Variants in CPNE4 observed in about 807,000 individuals in gnomAD.
CPNE4 encodes copine 4.
Under a neutral mutation model 67.9 loss-of-function variants are expected in CPNE4, and 25 were observed. That is an observed-to-expected ratio of 0.37 (90% CI 0.27 to 0.51). The LOEUF (loss-of-function observed/expected upper bound fraction) is 0.51, where lower values mean the gene tolerates loss of function less well. Ranked by LOEUF, CPNE4 falls within the 20% of genes least tolerant of loss-of-function variation. CPNE4 has a pLI of 0.93. For missense variants in CPNE4, 464 were observed against 690.8 expected (o/e 0.67, Z 3.68); for synonymous variants, 242 against 244.9 (o/e 0.99, Z 0.11).
chr3:132,009,523 A>G (rs7628438), intron 1 of CPNE4, among the ~76,000 whole-genome samples: 141,417 of 152,284 alleles, frequency 0.93, 65,951 homozygotes, highest in African/African-American at 0.98. Flanking sequence ...TTCCCCAGGA[A>G]GCTCCAGGTT....
intron 2 of CPNE4, among the ~76,000 whole-genome samples, chr3:131,794,294 G>A (rs564116486): frequency 6.6e-6 from 1 of 150,682 alleles, no homozygotes; most frequent in Non-Finnish European, 1.5e-5. Flanking sequence ...CTGGAGTGCA[G>A]TGGCATCATC....
chr3:131,992,741 C>T (rs527425420), intron 1 of CPNE4, among the ~76,000 whole-genome samples: 1 of 136,022 alleles, frequency 7.4e-6, no homozygotes, highest in South Asian at 2.6e-4. Flanking sequence ...CCCATAATCC[C>T]CATGTGTTGT....
intron 7 of CPNE4, among the ~76,000 whole-genome samples, chr3:131,626,648 T>C (rs1238397236): frequency 6.6e-6 from 1 of 152,200 alleles, no homozygotes; most frequent in Non-Finnish European, 1.5e-5. Context: ...CAAGTGCTGA[T>C]GGAGAAGCTA....
At chr3:132,022,243 T>A (rs1197423070) in intron 1 of CPNE4, among the ~76,000 whole-genome samples, 2 of 152,170 alleles carry the variant, frequency 1.3e-5, no homozygotes, top group African/African-American at 2.4e-5. Context: ...TTGTGCCTGC[T>A]TTAGAGAAAA....
chr3:131,815,939 T>C (rs576530094), intron 2 of CPNE4, among the ~76,000 whole-genome samples: 7 of 152,206 alleles, frequency 4.6e-5, no homozygotes, highest in African/African-American at 1.7e-4. Context: ...CCTCCTTATA[T>C]ACTCAGGAGT....
Position 131,954,410 on chromosome 3 carries a change from A to G in CPNE4, c.-1-48966T>C, listed in dbSNP as rs868841766. Among the ~76,000 whole-genome samples, 5 of 152,222 alleles carry G rather than the reference A, an allele frequency of 3.3e-5. No individual in the cohort carries two copies. The South Asian group carries it at 1.0e-3, about 32-fold the overall frequency. ...CAAAGTAAGGGTATTGCAAAAACTA[A>G]TAAATATAAATTTATCTTAAATTCA... On this transcript the variant is annotated intron_variant, in intron 1 of 15. Coordinates refer to ENST00000429747, the MANE Select transcript of CPNE4 (RefSeq NM_130808.3).
intron 2 of CPNE4, among the ~76,000 whole-genome samples, chr3:131,873,888 A>T (rs150743426): frequency 2.0e-5 from 3 of 152,236 alleles, no homozygotes; most frequent in Admixed American, 2.0e-4. Context: ...CATTCCTGAG[A>T]GAACAGCTGT....
At chr3:131,610,467 A>G (rs73871304) in intron 7 of CPNE4, among the ~76,000 whole-genome samples, 23,827 of 152,072 alleles carry the variant, frequency 0.16, 2,350 homozygotes, top group African/African-American at 0.28. Flanking sequence ...CTGTCCTGAG[A>G]CTGCTAGATT....
chr3:131,566,056 T>G (rs1050562520), intron 10 of CPNE4, among the ~76,000 whole-genome samples: 1 of 151,928 alleles, frequency 6.6e-6, no homozygotes, highest in African/African-American at 2.4e-5. Flanking sequence ...CAAGTCTATA[T>G]GGTTCCTTTC....
At chr3:131,560,771 G>A (rs2107659132) in intron 11 of CPNE4, among the ~76,000 whole-genome samples, 1 of 152,116 alleles carries the variant, frequency 6.6e-6, no homozygotes, top group African/African-American at 2.4e-5. Context: ...TTAACACTGG[G>A]TCTCAACCCT....
chr3:131,598,242 T>C (rs1502669), intron 7 of CPNE4, among the ~76,000 whole-genome samples: 46,185 of 151,976 alleles, frequency 0.3, 11,073 homozygotes, highest in African/African-American at 0.67. Flanking sequence ...TCCTCCATAC[T>C]TCAGTTTCCT....
chr3:132,018,281 C>T (rs2073927690), intron 1 of CPNE4, among the ~76,000 whole-genome samples: 1 of 152,132 alleles, frequency 6.6e-6, no homozygotes, highest in South Asian at 2.1e-4. Context: ...ATCAGATGCA[C>T]ACAATTATGT....
At chr3:131,883,406 C>T (rs1271796774) in intron 2 of CPNE4, among the ~76,000 whole-genome samples, 1 of 152,132 alleles carries the variant, frequency 6.6e-6, no homozygotes, top group Non-Finnish European at 1.5e-5. Flanking sequence ...CATTTTCAAC[C>T]ACTGTTATCT....
chr3:131,767,799 TTTA>T (rs1553767737), intron 2 of CPNE4, among the ~76,000 whole-genome samples: 1 of 151,886 alleles, frequency 6.6e-6, no homozygotes, highest in African/African-American at 2.4e-5. Context: ...TATTTATTTA[TTTA>T]TTTTTTAGGA....
chr3:131,925,157 T>TTC (rs35525721), intron 1 of CPNE4, among the ~76,000 whole-genome samples: 99,121 of 147,084 alleles, frequency 0.67, 33,674 homozygotes, highest in Admixed American at 0.79. Flanking sequence ...TGTTCTCATA[T>TTC]TCTCTCTCTC....
intron 1 of CPNE4, among the ~76,000 whole-genome samples, chr3:131,962,675 C>A (rs2072217968): frequency 6.6e-6 from 1 of 151,828 alleles, no homozygotes; most frequent in Non-Finnish European, 1.5e-5. Flanking sequence ...CCATGAAATC[C>A]TAAACAAATA....
intron 3 of CPNE4, among the ~76,000 whole-genome samples, chr3:131,710,093 G>A (rs1583059029): frequency 6.6e-6 from 1 of 152,162 alleles, no homozygotes; most frequent in African/African-American, 2.4e-5. Flanking sequence ...CACATAGTAA[G>A]TTCCAATAAG....
rs62279033 is a variant in CPNE4, at chr3:131,741,713, G to A, written c.181-18088C>T. 3.6e-3 allele frequency among the ~76,000 whole-genome samples: 555 copies of A among 152,130 alleles called. 4 individuals carry two copies. The highest frequency in any genetic ancestry group is 5.1e-3 in the Non-Finnish European group (344 of 68,004). ...TATGAAAGCAGGAAAGAGGTTTGGCGGGCAACTTTGCCAAAACAGTTGAGG... is the reference window on the plus strand; with the variant it reads ...TATGAAAGCAGGAAAGAGGTTTGGCAGGCAACTTTGCCAAAACAGTTGAGG... On this transcript the variant is annotated intron_variant, in intron 2 of 15. Coordinates refer to ENST00000429747, the MANE Select transcript of CPNE4 (RefSeq NM_130808.3).
At chr3:131,798,447 C>A (rs2083979511) in intron 2 of CPNE4, among the ~76,000 whole-genome samples, 1 of 152,120 alleles carries the variant, frequency 6.6e-6, no homozygotes, top group Non-Finnish European at 1.5e-5. Context: ...AAGTATATCA[C>A]ACCATAAGAG....
Sources: gnomAD v4.1 joint callset for allele counts (sites outside exome capture counted in the v4.1 genomes callset) on GRCh38, gnomAD v4.1.1 for gene constraint, MANE v1.5 for transcripts, NCBI Gene and HGNC (gene_info 2026-07-23, HGNC 2026-07-21) for gene names.